MEI1: variants seen among roughly 807,000 people sequenced by gnomAD.
The protein encoded by MEI1 is meiotic double-stranded break formation protein 1.
In MEI1, 103 loss-of-function variants were observed where a neutral mutation model predicts 146.2. That is an observed-to-expected ratio of 0.70 (90% confidence interval 0.60 to 0.83). MEI1 has a LOEUF of 0.83. MEI1 is among the 40% of genes least tolerant of loss of function. The probability of loss-of-function intolerance (pLI) is 0.00; values close to 1 mark genes in which losing one functional copy is unlikely to be tolerated. For synonymous variants in MEI1, 652 were observed against 628.2 expected, an observed-to-expected ratio of 1.04 and a Z score of -0.57; for missense variants, 1,529 against 1,533.0, an observed-to-expected ratio of 1.00 and a Z score of 0.04.
rs372887037 is a variant in MEI1 at position 41,739,065 on chromosome 22, C to T, written c.1332-4015C>T. Among the ~76,000 whole-genome samples the T allele has an allele frequency of 4.6e-5, 7 of 150,708 alleles. No homozygotes were observed. In the South Asian group the frequency reaches 8.3e-4, roughly 18 times the overall value. ...ATTCCAGCACTTTGGGAGGCCGAGG[C>T]AGGTGCATCACCTGAGGTCAGGAGT... On this transcript the variant is annotated intron_variant, in intron 11 of 30. Transcript: ENST00000401548.
chr22:41,756,394 C>A (rs925540307), intron 17 of MEI1, among the ~76,000 whole-genome samples: 1 of 151,890 alleles, frequency 6.6e-6, no homozygotes, highest in African/African-American at 2.4e-5. Flanking sequence ...GCCTTGGACT[C>A]CAAAGTGCTA....
intron 11 of MEI1, among the ~76,000 whole-genome samples, chr22:41,734,461 C>T (rs951295857): frequency 3.3e-5 from 5 of 152,108 alleles, no homozygotes; most frequent in Admixed American, 6.5e-5. Context: ...GGCATGATGG[C>T]GCTTGCCTGT....
In MEI1 at chr22:41,799,312, G is replaced by C. The variant is rs562828197; in HGVS notation, c.*13G>C. On this transcript the variant is annotated 3_prime_UTR_variant, in exon 31 of 31. Transcript: ENST00000401548. ...CATCAGAAACTGATCCTCAGGACTT[G>C]AAGGCCCAGAAGTGGAGAGAGAATG... 4 of 1,613,208 alleles carry C rather than the reference G, an allele frequency of 2.5e-6. No homozygotes were observed. The highest frequency in any genetic ancestry group is 3.4e-6 in the Non-Finnish European group (4 of 1,179,358).
intron 30 of MEI1, among the ~76,000 whole-genome samples, chr22:41,797,495 C>T (rs895300824): frequency 1.3e-5 from 2 of 151,950 alleles, no homozygotes; most frequent in African/African-American, 2.4e-5. Flanking sequence ...GTCTGTGATC[C>T]CAGCTACTTA....
intron 3 of MEI1, among the ~76,000 whole-genome samples, chr22:41,707,608 A>C (rs1188823858): frequency 6.6e-6 from 1 of 152,182 alleles, no homozygotes; most frequent in Non-Finnish European, 1.5e-5. Context: ...CAGGAGTTCA[A>C]GTCCAACATG....
rs1601940654 is a variant in MEI1, at chr22:41,753,988, C to T, written c.1893C>T (p.Tyr631=). ...ACCAGGTGTGTTCCAATTTCCTCTACTATATGTGCCTCAACCTTCTCTCAG... is the reference window on the plus strand; with the variant it reads ...ACCAGGTGTGTTCCAATTTCCTCTATTATATGTGCCTCAACCTTCTCTCAG... ...ALNQVCSNFL[Y]YMCLNLLSAP... Residue 631 remains tyrosine (Y), a synonymous_variant, in exon 17 of 31, where the codon TAC becomes TAT. Coordinates refer to ENST00000401548, the MANE Select transcript of MEI1 (RefSeq NM_152513.4). 6.2e-7 allele frequency: 1 copy of T among 1,613,624 alleles called. No individual in the cohort carries two copies. The highest frequency in any genetic ancestry group is 1.3e-5 in the African/African-American group (1 of 74,924).
intron 1 of MEI1, among the ~76,000 whole-genome samples, chr22:41,700,533 G>T (rs1008174649): frequency 2.6e-5 from 4 of 152,130 alleles, no homozygotes; most frequent in Non-Finnish European, 2.9e-5. Flanking sequence ...GTTTCATCAT[G>T]TTGGCCAGGC....
chr22:41,718,979 C>CTTTT (rs146120400), intron 6 of MEI1, among the ~76,000 whole-genome samples: 49 of 111,196 alleles, frequency 4.4e-4, no homozygotes, highest in Non-Finnish European at 6.5e-4. Context: ...TCAAGTGATT[C>CTTTT]TTTTTTTTTT....
chr22:41,735,183 C>T (rs548283006), intron 11 of MEI1, among the ~76,000 whole-genome samples: 23 of 147,944 alleles, frequency 1.6e-4, no homozygotes, highest in African/African-American at 5.0e-4. Context: ...AGGATGGTCT[C>T]GATCTCCTGA....
chr22:41,796,809 T>C (rs1442666350), intron 30 of MEI1, among the ~76,000 whole-genome samples: 1 of 151,976 alleles, frequency 6.6e-6, no homozygotes, highest in Non-Finnish European at 1.5e-5. Context: ...TAGCTGGGTG[T>C]GGTGGCATGT....
intron 26 of MEI1, among the ~76,000 whole-genome samples, chr22:41,789,763 C>T (rs2076109157): frequency 6.6e-6 from 1 of 152,152 alleles, no homozygotes; most frequent in Non-Finnish European, 1.5e-5. Flanking sequence ...GACTGTCTGT[C>T]CTCAACAGTC....
chr22:41,784,249 G>A (rs1273708814), intron 24 of MEI1, 90 bp from the exon 25 acceptor site: 1 of 1,116,626 alleles, frequency 9.0e-7, no homozygotes, highest in Middle Eastern at 2.5e-4. Flanking sequence ...GATATGTGGG[G>A]GGAGGTGATA....
At chr22:41,749,265 A>G (rs2073569682) in intron 15 of MEI1, among the ~76,000 whole-genome samples, 1 of 131,938 alleles carries the variant, frequency 7.6e-6, no homozygotes, top group Non-Finnish European at 1.6e-5. Context: ...CATGTGAGGA[A>G]TTTGGATTTT....
At chr22:41,730,756 A>G in intron 9 of MEI1, 119 bp downstream of exon 9, 1 of 655,570 alleles carries the variant, frequency 1.5e-6, no homozygotes, top group Non-Finnish European at 2.8e-6. Context: ...GAGTCTAGAC[A>G]TTTCATCAGC....
At chr22:41,764,929 G>C (rs2074740769) in intron 19 of MEI1, among the ~76,000 whole-genome samples, 1 of 152,118 alleles carries the variant, frequency 6.6e-6, no homozygotes, top group African/African-American at 2.4e-5. Context: ...AAAGTTACTT[G>C]AACTTCAGTC....
chr22:41,745,997 T>C lies in MEI1; in HGVS notation c.1651T>C (p.Cys551Arg). The C allele has an allele frequency of 2.5e-6, 4 of 1,607,450 alleles. No individual in the cohort carries two copies. Among genetic ancestry groups the C allele is most frequent in the East Asian group, 2.2e-5 (1 of 44,654 alleles). ...EAFSEFLLSA[C>R]DSLCIPMVMR... ...CTTCTCAGAATTTCTTCTCAGTGCC[T>C]GTGACTCGCTGTGTATCCCCATGGT... Residue 551 changes from cysteine to arginine, a missense_variant, in exon 14 of 31, where the codon TGT (cysteine) becomes CGT (arginine). Cys to Arg is a radical substitution (Grantham distance 180). Transcript: ENST00000401548.
chr22:41,700,785 G>T (rs1421656597), intron 1 of MEI1, among the ~76,000 whole-genome samples: 2 of 140,348 alleles, frequency 1.4e-5, no homozygotes, highest in East Asian at 3.9e-4. Flanking sequence ...TGTAGAAACG[G>T]TCCCGGGGGT....
Position 41,770,811 on chromosome 22 carries a change from C to T in MEI1, c.2394C>T (p.His798=). The T allele has an allele frequency of 6.2e-7, 1 of 1,613,938 alleles. No individual in the cohort carries two copies. Among genetic ancestry groups the T allele is most frequent in the Non-Finnish European group, 8.5e-7 (1 of 1,179,882 alleles). ...LYPELMSRYG[H]RVLELWFFWE... ...CAGAGCTCATGAGTAGGTATGGGCA[C>T]CGTGTCCTGGAACTTTGGTTCTTCT... Residue 798 remains histidine, a synonymous_variant, in exon 20 of 31, where the codon CAC becomes CAT. Coordinates refer to ENST00000401548, the MANE Select transcript of MEI1 (RefSeq NM_152513.4).
chr22:41,718,764 T>C (rs542899571), intron 6 of MEI1, among the ~76,000 whole-genome samples: 48 of 152,186 alleles, frequency 3.2e-4, no homozygotes, highest in Admixed American at 2.6e-3. Flanking sequence ...AAGTCCAAGA[T>C]CAAGAGGCTG....
Sources: gnomAD v4.1 joint callset for allele counts (sites outside exome capture counted in the v4.1 genomes callset) on GRCh38, gnomAD v4.1.1 for gene constraint, MANE v1.5 for transcripts, NCBI Gene and HGNC (gene_info 2026-07-23, HGNC 2026-07-21) for gene names.